Variants in CHCHD3 observed in about 807,000 individuals in gnomAD.
CHCHD3 encodes the protein MICOS complex subunit MIC19.
A neutral mutation model predicts 38.2 loss-of-function variants in CHCHD3; 20 were observed. That is an observed-to-expected ratio of 0.52 (90% CI 0.37 to 0.76). The LOEUF (loss-of-function observed/expected upper bound fraction) is 0.76. Among genes scored for constraint, CHCHD3 ranks in the 30% least tolerant of loss-of-function variants. CHCHD3 has a pLI of 0.00. For synonymous variants in CHCHD3, 82 were observed against 100.0 expected (o/e 0.82, Z 1.07); for missense variants, 245 against 279.2 (o/e 0.88, Z 0.87).
intron 5 of CHCHD3, among the ~76,000 whole-genome samples, chr7:132,869,227 T>C (rs897544138): frequency 2.0e-5 from 3 of 152,138 alleles, no homozygotes; most frequent in Admixed American, 2.0e-4. Flanking sequence ...TCCTTAACAC[T>C]GCCATCCCCA....
intron 6 of CHCHD3, among the ~76,000 whole-genome samples, chr7:132,833,007 C>G: frequency 6.6e-6 from 1 of 152,186 alleles, no homozygotes; most frequent in South Asian, 2.1e-4. Context: ...TCTCCGATAG[C>G]ACATAGTTTC....
chr7:132,918,306 G>T (rs1345774886), intron 4 of CHCHD3, among the ~76,000 whole-genome samples: 2 of 152,158 alleles, frequency 1.3e-5, no homozygotes, highest in African/African-American at 4.8e-5. Context: ...GGGCTACCCA[G>T]GCTTTAGATT....
At position 132,916,410 on chromosome 7, in the gene CHCHD3, T is replaced by C. The variant is rs558564507; in HGVS notation, c.370-30665A>G. 1.7e-4 allele frequency among the ~76,000 whole-genome samples: 26 copies of C among 152,310 alleles called. No individual in the cohort carries two copies. In the South Asian group the frequency reaches 5.0e-3, roughly 29 times the overall value. On this transcript the variant is annotated intron_variant, in intron 4 of 7. Transcript: ENST00000262570. ...TATTTGCTCTAGAATGAAAAGAACA[T>C]GGTAGAAAATTACAGTAGTTCCCCC...
intron 7 of CHCHD3, among the ~76,000 whole-genome samples, chr7:132,795,736 T>A (rs573688723): frequency 1.3e-5 from 2 of 152,212 alleles, no homozygotes; most frequent in African/African-American, 4.8e-5. Flanking sequence ...AACAACCATA[T>A]CCAACTGTTA....
chr7:132,919,126 T>TTTTTTTTA (rs1810195194), intron 4 of CHCHD3, among the ~76,000 whole-genome samples: 1 of 144,324 alleles, frequency 6.9e-6, no homozygotes, highest in African/African-American at 2.6e-5. Flanking sequence ...TTTTTTTTTT[T>TTTTTTTTA]GAGACGGAGT....
intron 4 of CHCHD3, among the ~76,000 whole-genome samples, chr7:132,960,657 A>C (rs28361975): frequency 0.065 from 9,957 of 152,144 alleles, 815 homozygotes; most frequent in African/African-American, 0.2. Flanking sequence ...AATTAGCAAA[A>C]CAGAAGATCT....
chr7:132,829,070 AAT>A (rs1807575115), intron 6 of CHCHD3, among the ~76,000 whole-genome samples: 2 of 152,200 alleles, frequency 1.3e-5, no homozygotes, highest in South Asian at 2.1e-4. Flanking sequence ...CAAAACGCAA[AAT>A]ATGTTTTCTT....
At chr7:132,860,316 A>AAG (rs60747145) in intron 5 of CHCHD3, among the ~76,000 whole-genome samples, 48 of 134,502 alleles carry the variant, frequency 3.6e-4, no homozygotes, top group Middle Eastern at 4.0e-3. Flanking sequence ...GAGAGAGAGA[A>AAG]AGAGAGAGAG....
At chr7:132,969,440 G>A (rs929081211) in intron 4 of CHCHD3, among the ~76,000 whole-genome samples, 17 of 152,102 alleles carry the variant, frequency 1.1e-4, no homozygotes, top group Admixed American at 6.5e-4. Flanking sequence ...ACAAACAACT[G>A]GTGCAGTATC....
At chr7:133,001,615 G>A (rs376854785) in intron 3 of CHCHD3, among the ~76,000 whole-genome samples, 1 of 152,082 alleles carries the variant, frequency 6.6e-6, no homozygotes, top group Admixed American at 6.6e-5. Context: ...TAGCTTTCCA[G>A]AAAGGAGCAA....
chr7:132,963,825 AT>A, intron 4 of CHCHD3, among the ~76,000 whole-genome samples: 1 of 152,248 alleles, frequency 6.6e-6, no homozygotes. Context: ...AAAAGAGCTT[AT>A]TTTTTGGAAA....
At chr7:133,076,822 G>C (rs1239119280) in intron 1 of CHCHD3, among the ~76,000 whole-genome samples, 1 of 152,174 alleles carries the variant, frequency 6.6e-6, no homozygotes, top group East Asian at 1.9e-4. Context: ...GTAAAGTTAT[G>C]AGCCACATGA....
chr7:132,928,898 C>G (rs1305269616), intron 4 of CHCHD3, among the ~76,000 whole-genome samples: 1 of 152,082 alleles, frequency 6.6e-6, no homozygotes, highest in African/African-American at 2.4e-5. Context: ...TATTTCTACC[C>G]TCGAACCTAC....
At chr7:132,878,292 A>T (rs1413163885) in intron 5 of CHCHD3, among the ~76,000 whole-genome samples, 1 of 152,164 alleles carries the variant, frequency 6.6e-6, no homozygotes, top group African/African-American at 2.4e-5. Flanking sequence ...CATTGTTGGC[A>T]TTATTTTTTC....
At chr7:132,801,156 A>C (rs983101522) in intron 6 of CHCHD3, among the ~76,000 whole-genome samples, 74 of 152,222 alleles carry the variant, frequency 4.9e-4, no homozygotes, top group African/African-American at 1.7e-3. Context: ...CTCATCACTT[A>C]TAATTAATCT....
chr7:132,963,592 G>C (rs541416067), intron 4 of CHCHD3, among the ~76,000 whole-genome samples: 120 of 149,534 alleles, frequency 8.0e-4, no homozygotes, highest in Middle Eastern at 3.5e-3. Flanking sequence ...CTGCACCACT[G>C]CATTCCAGCC....
rs1226859966 is a variant in CHCHD3 at position 132,838,369 on chromosome 7, TA to T, written c.524+29del. On this transcript the variant is annotated intron_variant, in intron 6 of 7. Coordinates refer to ENST00000262570, the MANE Select transcript of CHCHD3 (RefSeq NM_017812.4). ...TGTGCTTTCATCTTGTTAAGAATAGTAAATAATTATAATACTATTAAAAACT... is the reference window on the plus strand; with the variant it reads ...TGTGCTTTCATCTTGTTAAGAATAGTAATAATTATAATACTATTAAAAACT... 4 of 1,445,170 alleles carry T rather than the reference TA, an allele frequency of 2.8e-6. No homozygotes were observed. In the African/African-American group the frequency reaches 5.7e-5, roughly 21 times the overall value. The allele number at this position is 1,445,170 out of a possible 1,614,324, so 89.5% of individuals were successfully genotyped here.
chr7:132,795,274 G>A (rs1238633711), intron 7 of CHCHD3, among the ~76,000 whole-genome samples: 1 of 152,090 alleles, frequency 6.6e-6, no homozygotes, highest in Non-Finnish European at 1.5e-5. Context: ...TTGAAGGCTG[G>A]GGTTTATTAA....
intron 5 of CHCHD3, among the ~76,000 whole-genome samples, chr7:132,883,481 T>C (rs1809123269): frequency 6.6e-6 from 1 of 152,132 alleles, no homozygotes; most frequent in South Asian, 2.1e-4. Flanking sequence ...AAATCAGAGT[T>C]CTGCCCACTA....
Sources: gnomAD v4.1 joint callset for allele counts (sites outside exome capture counted in the v4.1 genomes callset) on GRCh38, gnomAD v4.1.1 for gene constraint, MANE v1.5 for transcripts, NCBI Gene and HGNC (gene_info 2026-07-23, HGNC 2026-07-21) for gene names.